Variants in NFAT5 observed in about 807,000 individuals in gnomAD.
The protein encoded by NFAT5 is nuclear factor of activated T cells 5.
Under a neutral mutation model 166.5 loss-of-function variants are expected in NFAT5, and 31 were observed. The ratio of observed to expected loss-of-function variants is 0.19; its 90% CI spans 0.14 to 0.25. The LOEUF (loss-of-function observed/expected upper bound fraction) is 0.25, where lower values mean the gene tolerates loss of function less well. Among genes scored for constraint, NFAT5 ranks in the 10% least tolerant of loss-of-function variants. The pLI, the probability that NFAT5 is intolerant of heterozygous loss-of-function variation, is 1.00. For synonymous variants in NFAT5, 612 were observed against 639.7 expected (o/e 0.96, Z 0.65); for missense variants, 1,449 against 1,821.8 (o/e 0.80, Z 3.72).
chr16:69,651,795 C>T (rs546675264), intron 4 of NFAT5, among the ~76,000 whole-genome samples: 2 of 151,954 alleles, frequency 1.3e-5, no homozygotes, highest in Admixed American at 1.3e-4. Context: ...CTCAGCCTCC[C>T]GAGTAGATGG....
intron 2 of NFAT5, among the ~76,000 whole-genome samples, chr16:69,584,592 G>A (rs560564074): frequency 6.6e-6 from 1 of 151,114 alleles, no homozygotes; most frequent in Non-Finnish European, 1.5e-5. Flanking sequence ...GGCCTCCCTC[G>A]GTCTTGCTAT....
rs199972388 is a variant in NFAT5, at chr16:69,647,244, A to T, written c.470A>T (p.His157Leu). The change falls in exon 4 of 15, where the codon CAC (histidine) becomes CTC (leucine). Residue 157 changes from histidine to leucine, a missense_variant. Physicochemically the swap from His to Leu is moderately conservative, Grantham distance 99. Transcript: ENST00000349945. This position sits in a 1 kb window ranked among gnomAD's most constrained non-coding sequence, Gnocchi z 4.8. ...VQQHPSTPKR[H>L]TVLYISPPPE... ...CAGCATCCATCAACACCGAAGAGGC[A>T]CACAGTCTTGTACATCTCACCACCA... 1.2e-6 allele frequency: 2 copies of T among 1,614,198 alleles called. No individual in the cohort carries two copies. The highest frequency in any genetic ancestry group is 4.5e-5 in the East Asian group (2 of 44,890).
chr16:69,688,057 G>A (rs1036093800), intron 11 of NFAT5, among the ~76,000 whole-genome samples: 4 of 150,982 alleles, frequency 2.6e-5, no homozygotes, highest in East Asian at 1.9e-4. Context: ...TTAGCCGGGC[G>A]CGGTGGCGGG....
intron 2 of NFAT5, among the ~76,000 whole-genome samples, chr16:69,602,772 T>C (rs1440271544): frequency 1.3e-5 from 2 of 150,742 alleles, no homozygotes. Flanking sequence ...GCTCAGCTAA[T>C]TTTTTTGTTT....
At chr16:69,600,533 G>A (rs1468137668) in intron 2 of NFAT5, among the ~76,000 whole-genome samples, 2 of 152,082 alleles carry the variant, frequency 1.3e-5, no homozygotes, top group African/African-American at 4.8e-5. Context: ...GAAAGTTTTG[G>A]AGGAGCAGTG....
chr16:69,661,176 G>T (rs1386267846), intron 7 of NFAT5, among the ~76,000 whole-genome samples: 1 of 147,500 alleles, frequency 6.8e-6, no homozygotes, highest in Non-Finnish European at 1.5e-5. Context: ...GAGACCAGCC[G>T]AGGCTGGTCT....
chr16:69,606,494 CTG>C (rs1263641503), intron 2 of NFAT5, among the ~76,000 whole-genome samples: 1 of 151,318 alleles, frequency 6.6e-6, no homozygotes, highest in Non-Finnish European at 1.5e-5. Flanking sequence ...TTTTTTTAAA[CTG>C]TGCAGGCGAA....
rs193253239 is a variant in NFAT5, at chr16:69,654,480, C to G, written c.1005+1052C>G. 1.1e-4 allele frequency among the ~76,000 whole-genome samples: 17 copies of G among 152,290 alleles called. No individual in the cohort carries two copies. In the East Asian group the frequency reaches 3.3e-3, roughly 29 times the overall value. On this transcript the variant is annotated intron_variant, in intron 5 of 14. Transcript: ENST00000349945. ...TAACCCACACCCAGTCCTTCAATCC[C>G]AGGACAGGTAACAGGCAAGTGAGAA...
intron 7 of NFAT5, among the ~76,000 whole-genome samples, chr16:69,668,521 A>G (rs867621454): frequency 2.9e-4 from 44 of 152,196 alleles, no homozygotes; most frequent in African/African-American, 9.2e-4. Context: ...ATGTACAGCT[A>G]TACACATAGC....
At position 69,592,430 on chromosome 16, in the gene NFAT5, T is replaced by G. The variant is rs73568377; in HGVS notation, c.127+23882T>G. ...GGTACTTAGTTGTCACTGATTTTTT[T>G]TTGTTGTTGTTCAAAAATTATTATA... On this transcript the variant is annotated intron_variant, in intron 2 of 14. Transcript: ENST00000349945. Among the ~76,000 whole-genome samples, 1,302 of 152,234 alleles carry G rather than the reference T, an allele frequency of 8.6e-3. 14 individuals are homozygous for G. The highest frequency in any genetic ancestry group is 0.029 in the African/African-American group (1,205 of 41,534).
intron 3 of NFAT5, chr16:69,646,702 A>G (rs1046402156): frequency 4.1e-5 from 10 of 246,650 alleles, no homozygotes; most frequent in Non-Finnish European, 5.9e-5. Context: ...GGTTTTCTTT[A>G]TTACTTTAAA....
intron 2 of NFAT5, among the ~76,000 whole-genome samples, chr16:69,585,176 T>A (rs550986356): frequency 3.9e-4 from 60 of 151,920 alleles, no homozygotes; most frequent in South Asian, 8.3e-4. Context: ...TATTATTATT[T>A]TTTTTTGTAT....
At chr16:69,604,974 C>T (rs1017016884) in intron 2 of NFAT5, among the ~76,000 whole-genome samples, 1 of 152,120 alleles carries the variant, frequency 6.6e-6, no homozygotes, top group African/African-American at 2.4e-5. Context: ...AGGTTATTTC[C>T]ACCTTCTGGC....
At position 69,664,843 on chromosome 16, in the gene NFAT5, C is replaced by A. The variant is rs1214052651; in HGVS notation, c.1369+4944C>A. Among the ~76,000 whole-genome samples, 3 of 152,126 alleles carry A rather than the reference C, an allele frequency of 2.0e-5. No individual in the cohort carries two copies. The Middle Eastern group carries it at 0.01, about 517-fold the overall frequency. Reference sequence around the variant, plus strand: ...AGGAGATTGAGACCAGCCTGAGCAACATGGAGAAAACCCATCTCTGCTAAA... The same window carrying A: ...AGGAGATTGAGACCAGCCTGAGCAAAATGGAGAAAACCCATCTCTGCTAAA... On this transcript the variant is annotated intron_variant, in intron 7 of 14. Coordinates refer to ENST00000349945, the MANE Select transcript of NFAT5 (RefSeq NM_138713.4).
At chr16:69,688,649 G>A (rs2037426791) in intron 11 of NFAT5, among the ~76,000 whole-genome samples, 1 of 152,140 alleles carries the variant, frequency 6.6e-6, no homozygotes, top group African/African-American at 2.4e-5. Context: ...TTACAGGCAT[G>A]AGCCAATGCG....
chr16:69,583,260 C>T (rs1047307489), intron 2 of NFAT5, among the ~76,000 whole-genome samples: 4 of 151,858 alleles, frequency 2.6e-5, no homozygotes, highest in Non-Finnish European at 5.9e-5. Context: ...AGTGCAGTGG[C>T]ATGAGCATGA....
At chr16:69,646,601 T>C in intron 3 of NFAT5, 1 of 1,137,480 alleles carries the variant, frequency 8.8e-7, no homozygotes, top group Non-Finnish European at 1.1e-6. Flanking sequence ...TTTTAATATT[T>C]TGTGGCTAAG....
rs2037915887 is a variant in NFAT5 at position 69,702,509 on chromosome 16, T to C, written c.*6158T>C. On this transcript the variant is annotated 3_prime_UTR_variant, in exon 15 of 15. Transcript: ENST00000349945. ...ATTACAATATATCTTTTTCTACATA[T>C]GTAGTATGTGCAACCAGTGGTTCTC... 1 of 152,216 alleles carries C rather than the reference T, an allele frequency of 6.6e-6. No homozygotes were observed. Among genetic ancestry groups the C allele is most frequent in the Non-Finnish European group, 1.5e-5 (1 of 68,036 alleles). 9.4% of individuals were successfully genotyped at this position (152,216 alleles called of 1,614,324 possible).
At chr16:69,642,898 T>C (rs1271899302) in intron 3 of NFAT5, among the ~76,000 whole-genome samples, 1 of 151,836 alleles carries the variant, frequency 6.6e-6, no homozygotes, top group Admixed American at 6.6e-5. Context: ...AGATAATTCC[T>C]TCATAAAAGA....
Sources: allele counts gnomAD v4.1 joint callset (sites outside exome capture counted in the v4.1 genomes callset), GRCh38; gene constraint gnomAD v4.1.1; non-coding constraint Gnocchi (gnomAD v3.1); transcripts MANE v1.5; gene names NCBI Gene and HGNC (gene_info 2026-07-23, HGNC 2026-07-21).